Variants in NPR2 observed in about 807,000 individuals in gnomAD.
NPR2 encodes atrial natriuretic peptide receptor 2.
A neutral mutation model predicts 120.7 loss-of-function variants in NPR2; 49 were observed. The observed-to-expected ratio is 0.41, with a 90% CI of 0.32 to 0.52. The LOEUF is 0.52. NPR2 is among the 20% of genes least tolerant of loss of function. NPR2 has a pLI of 0.36. For synonymous variants in NPR2, 484 were observed against 519.8 expected (o/e 0.93, Z 0.94); for missense variants, 931 against 1,362.9 (o/e 0.68, Z 4.99).
intron 18 of NPR2, 125 bp downstream of exon 18, chr9:35,807,523 A>C (rs1828466996): frequency 1.2e-6 from 1 of 806,734 alleles, no homozygotes; most frequent in Non-Finnish European, 2.2e-6. Flanking sequence ...GGTACTCAGC[A>C]TCCTGGTGCT....
In NPR2 at chr9:35,801,727, T is replaced by C; in HGVS notation, c.1521T>C (p.Tyr507=). 6.2e-7 allele frequency: 1 copy of C among 1,614,198 alleles called. No individual in the cohort carries two copies. The highest frequency in any genetic ancestry group is 8.5e-7 in the Non-Finnish European group (1 of 1,180,026). Reference sequence around the variant, plus strand: ...TGCAGTTTGGCAACTCAGAGCGTTATCACAAAGGTGCAGGCAGTCGCCTCA... The same window carrying C: ...TGCAGTTTGGCAACTCAGAGCGTTACCACAAAGGTGCAGGCAGTCGCCTCA... ...EELQFGNSER[Y]HKGAGSRLTL... The change falls in exon 8 of 22, where the codon TAT becomes TAC. Residue 507 remains tyrosine (Y), a synonymous_variant. Transcript: ENST00000342694.
At chr9:35,807,190 A>AAAG in intron 17 of NPR2, 44 bp downstream of exon 17, 1 of 726,422 alleles carries the variant, frequency 1.4e-6, no homozygotes, top group Non-Finnish European at 2.5e-6. Context: ...TTGGGTGGGT[A>AAAG]GGGACCTGGG....
In NPR2 at chr9:35,800,717, C is replaced by T. The variant is rs775340388; in HGVS notation, c.1227C>T (p.Ala409=). 21 of 1,614,134 alleles carry T rather than the reference C, an allele frequency of 1.3e-5. No homozygotes were observed. In the East Asian group the frequency reaches 4.2e-4, roughly 33 times the overall value. The change falls in exon 6 of 22, where the codon GCC becomes GCT. Residue 409 remains alanine (A), a synonymous_variant. Transcript: ENST00000342694. The surrounding 1 kb of genome is among the most constrained non-coding windows in gnomAD (Gnocchi z 4.7). ...DLDSGDFQPA[A]HYSGAEKQIW... is the part of the protein sequence containing the mutation. ...TTTTTGCTTCCTTACAGCCTGCAGCCCACTACTCGGGAGCTGAGAAGCAGA... is the reference window on the plus strand; with the variant it reads ...TTTTTGCTTCCTTACAGCCTGCAGCTCACTACTCGGGAGCTGAGAAGCAGA...
At chr9:35,796,084 T>C (rs1470524671) in intron 2 of NPR2, among the ~76,000 whole-genome samples, 1 of 152,190 alleles carries the variant, frequency 6.6e-6, no homozygotes, top group African/African-American at 2.4e-5. Context: ...AGGAAAGGAA[T>C]AGAGTGTTAT....
At position 35,808,333 on chromosome 9, in the gene NPR2, T is replaced by G; in HGVS notation, c.2713-176T>G. 7.8e-6 allele frequency: 12 copies of G among 1,538,362 alleles called. No individual in the cohort carries two copies. Among genetic ancestry groups the G allele is most frequent in the Non-Finnish European group, 1.1e-5 (12 of 1,111,560 alleles). ...TGGGTGGAGAAAGAAGACTTAAAGA[T>G]TCCCTAGACATCTCCTCTCCCCTAG... is the stretch of plus-strand genomic sequence containing the variant. On this transcript the variant is annotated intron_variant, in intron 18 of 21. Coordinates refer to ENST00000342694, the MANE Select transcript of NPR2 (RefSeq NM_003995.4). This position sits in a 1 kb window ranked among gnomAD's most constrained non-coding sequence, Gnocchi z 4.0.
Position 35,807,383 on chromosome 9 carries a change from C to T in NPR2, c.2697C>T (p.Asn899=), listed in dbSNP as rs1828456697. ...CCTGCTTTGATGCCATAATTGACAA[C>T]TTTGATGTCTACAAGGTGAGAGCTG... ...LYTCFDAIID[N]FDVYKVETIG... Residue 899 remains asparagine (N), a synonymous_variant, in exon 18 of 22, where the codon AAC becomes AAT. Coordinates refer to ENST00000342694, the MANE Select transcript of NPR2 (RefSeq NM_003995.4). 1 of 1,610,446 alleles carries T rather than the reference C, an allele frequency of 6.2e-7. No homozygotes were observed.
Position 35,807,063 on chromosome 9 carries a change from G to T in NPR2, c.2560G>T (p.Ala854Ser), listed in dbSNP as rs1245545691. The T allele has an allele frequency of 6.2e-7, 1 of 1,613,782 alleles. No individual in the cohort carries two copies. The highest frequency in any genetic ancestry group is 1.7e-5 in the Admixed American group (1 of 59,984). ...EQLKRGETVQAEAFDSVTIYF... is the reference protein window; with the variant it reads ...EQLKRGETVQSEAFDSVTIYF... Reference sequence around the variant, plus strand: ...GTTAAAACGGGGAGAGACTGTACAGGCTGAGGCCTTTGACAGTGTTACCAT... The same window carrying T: ...GTTAAAACGGGGAGAGACTGTACAGTCTGAGGCCTTTGACAGTGTTACCAT... The change falls in exon 17 of 22, where the codon GCT becomes TCT. Residue 854 changes from alanine to serine, a missense_variant. Coordinates refer to ENST00000342694, the MANE Select transcript of NPR2 (RefSeq NM_003995.4).
In NPR2 at chr9:35,809,268, G is replaced by A; in HGVS notation, c.3078+21G>A. 6.2e-7 allele frequency: 1 copy of A among 1,611,826 alleles called. No homozygotes were observed. On this transcript the variant is annotated intron_variant, in intron 21 of 21. Transcript: ENST00000342694. This position sits in a 1 kb window ranked among gnomAD's most constrained non-coding sequence, Gnocchi z 4.1. ...TGAAGGTGATGGCAGGCCATGGGGA[G>A]GGGGGCATGGAAAGGGAGGGTGAAA... is the stretch of plus-strand genomic sequence containing the variant.
Position 35,802,874 on chromosome 9 carries a change from T to C in NPR2, c.1887+71T>C. The C allele has an allele frequency of 9.4e-7, 1 of 1,067,312 alleles. No individual in the cohort carries two copies. Among genetic ancestry groups the C allele is most frequent in the Non-Finnish European group, 1.5e-6 (1 of 683,154 alleles). The allele number at this position is 1,067,312 out of a possible 1,614,324, so 66.1% of individuals were successfully genotyped here. A position where few individuals can be genotyped will look rare whatever the true frequency, so the allele number is the denominator to read the frequency against. On this transcript the variant is annotated intron_variant, in intron 12 of 21. Transcript: ENST00000342694. The surrounding 1 kb of genome is among the most constrained non-coding windows in gnomAD (Gnocchi z 4.2). Reference sequence around the variant, plus strand: ...TCCACTGTTCTTTGATTGTGGTTTTTCTCCTTCTAGTCCTCTGAAGTCCTG... The same window carrying C: ...TCCACTGTTCTTTGATTGTGGTTTTCCTCCTTCTAGTCCTCTGAAGTCCTG...
intron 1 of NPR2, 71 bp downstream of exon 1, chr9:35,793,146 GAA>G: frequency 6.9e-7 from 1 of 1,446,354 alleles, no homozygotes; most frequent in Admixed American, 2.2e-5. Context: ...CAGCACTGGG[GAA>G]CTGTAGATGG....
At chr9:35,796,342 T>C (rs1327127919) in intron 2 of NPR2, among the ~76,000 whole-genome samples, 2 of 152,168 alleles carry the variant, frequency 1.3e-5, no homozygotes, top group East Asian at 3.8e-4. Flanking sequence ...TATGACACCA[T>C]GCCCAGATAA....
At chr9:35,797,218 G>C (rs1827971868) in intron 2 of NPR2, among the ~76,000 whole-genome samples, 1 of 152,164 alleles carries the variant, frequency 6.6e-6, no homozygotes, top group Non-Finnish European at 1.5e-5. Flanking sequence ...AATTCACCTA[G>C]ACAGGAGTAG....
Position 35,792,711 on chromosome 9 carries a change from C to T in NPR2, c.303C>T (p.Cys101=), listed in dbSNP as rs1827824158. The change falls in exon 1 of 22, where the codon TGC becomes TGT. Residue 101 remains cysteine (C), a synonymous_variant. Coordinates refer to ENST00000342694, the MANE Select transcript of NPR2 (RefSeq NM_003995.4). ...HDPDLLLGPG[C]VYPAASVARF... ...CCGACCTGCTGTTAGGTCCCGGTTG[C>T]GTGTACCCTGCTGCCTCTGTGGCCC... The T allele has an allele frequency of 1.2e-6, 2 of 1,614,144 alleles. No individual in the cohort carries two copies. Among genetic ancestry groups the T allele is most frequent in the Non-Finnish European group, 1.7e-6 (2 of 1,180,032 alleles).
At chr9:35,803,740 G>T (rs1828260322) in intron 12 of NPR2, among the ~76,000 whole-genome samples, 1 of 152,206 alleles carries the variant, frequency 6.6e-6, no homozygotes, top group Admixed American at 6.5e-5. Context: ...GCATCCCAGT[G>T]GATCACCCCA....
chr9:35,795,687 C>CT (rs1827925632), intron 2 of NPR2, among the ~76,000 whole-genome samples: 1 of 152,170 alleles, frequency 6.6e-6, no homozygotes. Context: ...TAATGTTTTC[C>CT]TAAAACAATC....
intron 2 of NPR2, among the ~76,000 whole-genome samples, chr9:35,798,642 C>T (rs1448687331): frequency 2.6e-5 from 4 of 152,178 alleles, no homozygotes; most frequent in Non-Finnish European, 2.9e-5. Flanking sequence ...TTCACAAAGT[C>T]ATGTTTCATA....
In NPR2 at chr9:35,809,377, C is replaced by T. The variant is rs1366294088; in HGVS notation, c.3079-3C>T. The stretch of plus-strand genomic sequence containing the variant: ...TGAATCATGTCCACTCTCCCACTTC[C>T]AGGGAAAAGGAAAGATGCGAACATA... On this transcript the variant is annotated splice_polypyrimidine_tract_variant and splice_region_variant and intron_variant, in intron 21 of 21. Transcript: ENST00000342694. The surrounding 1 kb of genome is among the most constrained non-coding windows in gnomAD (Gnocchi z 4.1). 1 of 1,614,122 alleles carries T rather than the reference C, an allele frequency of 6.2e-7. No individual in the cohort carries two copies. Among genetic ancestry groups the T allele is most frequent in the South Asian group, 1.1e-5 (1 of 91,084 alleles).
At position 35,808,517 on chromosome 9, in the gene NPR2, G is replaced by T; in HGVS notation, c.2721G>T (p.Thr907=). 1.2e-6 allele frequency: 2 copies of T among 1,613,994 alleles called. No homozygotes were observed. Among genetic ancestry groups the T allele is most frequent in the Non-Finnish European group, 1.7e-6 (2 of 1,180,008 alleles). Residue 907 remains threonine, a synonymous_variant, in exon 19 of 22, where the codon ACG becomes ACT. Transcript: ENST00000342694. This position sits in a 1 kb window ranked among gnomAD's most constrained non-coding sequence, Gnocchi z 4.0. ...IDNFDVYKVE[T]IGDAYMVVSG... is the part of the protein sequence containing the mutation. ...ATCCCCCTCTCAATCAGGTGGAGAC[G>T]ATTGGGGATGCTTACATGGTGGTAT...
Position 35,805,939 on chromosome 9 carries a change from T to C in NPR2, c.2157T>C (p.Leu719=). 6.2e-7 allele frequency: 1 copy of C among 1,614,212 alleles called. No homozygotes were observed. The highest frequency in any genetic ancestry group is 8.5e-7 in the Non-Finnish European group (1 of 1,180,032). Residue 719 remains leucine (L), a synonymous_variant, in exon 14 of 22, where the codon CTT becomes CTC. Transcript: ENST00000342694. This position sits in a 1 kb window ranked among gnomAD's most constrained non-coding sequence, Gnocchi z 4.9. The part of the protein sequence containing the change: ...SFGIILQEIA[L]RSGPFYLEGL... Reference sequence around the variant, plus strand: ...GGATCATCCTGCAGGAGATAGCACTTCGCAGTGGTCCTTTCTACTTGGAGG... The same window carrying C: ...GGATCATCCTGCAGGAGATAGCACTCCGCAGTGGTCCTTTCTACTTGGAGG...
Sources: allele counts gnomAD v4.1 joint callset (sites outside exome capture counted in the v4.1 genomes callset), GRCh38; gene constraint gnomAD v4.1.1; non-coding constraint Gnocchi (gnomAD v3.1); transcripts MANE v1.5; gene names NCBI Gene and HGNC (gene_info 2026-07-23, HGNC 2026-07-21).